Variants in PRSS3 observed in about 807,000 individuals in gnomAD.
PRSS3 encodes the protein trypsin-3.
Under a neutral mutation model 20.8 loss-of-function variants are expected in PRSS3, and 14 were observed. The observed-to-expected ratio is 0.67, with a 90% CI of 0.44 to 1.05. The LOEUF is 1.05. Among genes scored for constraint, PRSS3 ranks in the 50% least tolerant of loss-of-function variants. The pLI, the probability that PRSS3 is intolerant of heterozygous loss-of-function variation, is 0.00. For missense variants in PRSS3, 237 were observed against 306.4 expected, an observed-to-expected ratio of 0.77 and a Z score of 1.69; for synonymous variants, 91 against 117.6, an observed-to-expected ratio of 0.77 and a Z score of 1.46.
intron 1 of PRSS3, among the ~76,000 whole-genome samples, chr9:33,763,660 C>T (rs1228220339): frequency 2.1e-5 from 3 of 143,404 alleles, no homozygotes. Context: ...AATCGCGCCA[C>T]TGCACTCCAG....
At position 33,767,839 on chromosome 9, in the gene PRSS3, C is replaced by A. The variant is rs530572351; in HGVS notation, c.-53+17112C>A. ...AACCTCTGTCTGAAAAAAAAAGGAACTTTAGACACAGACACACACAGAAAG... is the reference window on the plus strand; with the variant it reads ...AACCTCTGTCTGAAAAAAAAAGGAAATTTAGACACAGACACACACAGAAAG... On this transcript the variant is annotated intron_variant, in intron 1 of 5. Coordinates refer to the PRSS3 transcript ENST00000342836. 4.2e-5 allele frequency among the ~76,000 whole-genome samples: 5 copies of A among 119,900 alleles called. No homozygotes were observed. The East Asian group carries it at 1.1e-3, about 27-fold the overall frequency. 78.7% of individuals were successfully genotyped at this position (119,900 alleles called of 152,430 possible).
At chr9:33,788,658 C>T (rs966526888) in intron 1 of PRSS3, among the ~76,000 whole-genome samples, 30 of 152,288 alleles carry the variant, frequency 2.0e-4, no homozygotes, top group Non-Finnish European at 4.4e-5. Context: ...TCATTACAGT[C>T]TAACCAAGTA....
chr9:33,777,505 T>C (rs1006726124), intron 1 of PRSS3, among the ~76,000 whole-genome samples: 4 of 117,622 alleles, frequency 3.4e-5, no homozygotes, highest in Admixed American at 2.1e-4. Flanking sequence ...GCTAACACGG[T>C]GAAACCCCGT....
At position 33,797,825 on chromosome 9, in the gene PRSS3, T is replaced by C. The variant is rs1178302081; in HGVS notation, c.201-4T>C. On this transcript the variant is annotated splice_region_variant and splice_polypyrimidine_tract_variant and intron_variant, in intron 2 of 4. Coordinates refer to ENST00000379405, the MANE Select transcript of PRSS3 (RefSeq NM_002771.4). ...GTCTTCACCATGCCTGCCCTGCCCA[T>C]CAGCCGCATCCAGGTGAGACTGGGA... 4 of 1,614,242 alleles carry C rather than the reference T, an allele frequency of 2.5e-6. No individual in the cohort carries two copies. Among genetic ancestry groups the C allele is most frequent in the Non-Finnish European group, 3.4e-6 (4 of 1,180,044 alleles).
chr9:33,792,838 T>A (rs1824696942), upstream of PRSS3, among the ~76,000 whole-genome samples: 1 of 152,190 alleles, frequency 6.6e-6, no homozygotes, highest in Admixed American at 6.5e-5. Flanking sequence ...TTATCAAAAT[T>A]GAAGGACAGT....
At chr9:33,790,967 T>C (rs188042625), upstream of PRSS3, among the ~76,000 whole-genome samples, 97 of 152,384 alleles carry the variant, frequency 6.4e-4, no homozygotes, top group Non-Finnish European at 2.9e-5. Flanking sequence ...TAGATTATTC[T>C]AACAGGAAAG....
chr9:33,788,399 T>C (rs1324848849), intron 1 of PRSS3, among the ~76,000 whole-genome samples: 2 of 152,218 alleles, frequency 1.3e-5, no homozygotes, highest in African/African-American at 4.8e-5. Flanking sequence ...TCTGCAAAAC[T>C]GAATTTGGTT....
At chr9:33,764,794 T>G (rs192293475) in intron 1 of PRSS3, among the ~76,000 whole-genome samples, 1 of 152,310 alleles carries the variant, frequency 6.6e-6, no homozygotes, top group African/African-American at 2.4e-5. Context: ...TTAAGAAACC[T>G]GTATCTAGAA....
chr9:33,768,474 C>T (rs1347043091), intron 1 of PRSS3, among the ~76,000 whole-genome samples: 1 of 150,162 alleles, frequency 6.7e-6, no homozygotes, highest in East Asian at 2.0e-4. Flanking sequence ...TAGAGCGAGA[C>T]TCAAAGGAAA....
At chr9:33,791,293 T>C (rs1251215692), upstream of PRSS3, among the ~76,000 whole-genome samples, 3 of 152,158 alleles carry the variant, frequency 2.0e-5, no homozygotes, top group East Asian at 1.9e-4. Flanking sequence ...AGGTTCTCAA[T>C]TGGAATTGTG....
At chr9:33,777,707 CAAAAA>C (rs756641458) in intron 1 of PRSS3, among the ~76,000 whole-genome samples, 2 of 56,376 alleles carry the variant, frequency 3.5e-5, no homozygotes, top group Non-Finnish European at 7.2e-5. Context: ...GACTGCGTCT[CAAAAA>C]AAAAAAAAAA....
intron 1 of PRSS3, among the ~76,000 whole-genome samples, chr9:33,769,073 C>T (rs1206846634): frequency 6.6e-6 from 1 of 152,102 alleles, no homozygotes; most frequent in Non-Finnish European, 1.5e-5. Context: ...TCTCATGTTT[C>T]ATGGAAAGCA....
At chr9:33,786,400 G>C in intron 1 of PRSS3, 2 of 663,512 alleles carry the variant, frequency 3.0e-6, no homozygotes, top group Non-Finnish European at 5.4e-6. Flanking sequence ...AGTAATTGTC[G>C]GCACAATAAA....
chr9:33,772,848 G>A (rs967110490), intron 1 of PRSS3, among the ~76,000 whole-genome samples: 7 of 152,184 alleles, frequency 4.6e-5, no homozygotes, highest in South Asian at 2.1e-4. Flanking sequence ...TGGGAGCAAC[G>A]TAATGTTAGA....
chr9:33,773,666 C>T (rs1823798340), intron 1 of PRSS3, among the ~76,000 whole-genome samples: 1 of 152,222 alleles, frequency 6.6e-6, no homozygotes, highest in East Asian at 1.9e-4. Context: ...GGGTCTCACT[C>T]TGTCACCCAG....
intron 1 of PRSS3, among the ~76,000 whole-genome samples, chr9:33,767,932 C>G (rs547532068): frequency 3.9e-5 from 6 of 152,190 alleles, no homozygotes; most frequent in Admixed American, 3.9e-4. Flanking sequence ...TCAGAAGAAA[C>G]CCATTCTGCC....
upstream of PRSS3, chr9:33,794,845 A>G (rs1356119193): frequency 3.2e-6 from 5 of 1,550,840 alleles, no homozygotes; most frequent in Middle Eastern, 1.7e-4. Context: ...GGAGTGCGCC[A>G]TTGGTTTTCC....
At chr9:33,797,313 A>G (rs1244285764) in intron 2 of PRSS3, among the ~76,000 whole-genome samples, 2 of 152,264 alleles carry the variant, frequency 1.3e-5, no homozygotes, top group Non-Finnish European at 2.9e-5. Context: ...CCCATCCCCA[A>G]GGTTCTGATC....
rs549814853 is a variant in PRSS3 at position 33,779,570 on chromosome 9, A to T, written c.-52-15176A>T. 1.7e-4 allele frequency among the ~76,000 whole-genome samples: 26 copies of T among 152,294 alleles called. 1 individual carries two copies. Among genetic ancestry groups the T allele is most frequent in the African/African-American group, 5.8e-4 (24 of 41,556 alleles). On this transcript the variant is annotated intron_variant, in intron 1 of 5. Coordinates refer to the PRSS3 transcript ENST00000342836. The stretch of plus-strand genomic sequence containing the variant: ...GATGAAAATTAAGACAAAAGAATTT[A>T]AAAAATGAACAAAACTGGCTGGGCG...
Sources: gnomAD v4.1 joint callset for allele counts (sites outside exome capture counted in the v4.1 genomes callset) on GRCh38, gnomAD v4.1.1 for gene constraint, MANE v1.5 for transcripts, NCBI Gene and HGNC (gene_info 2026-07-23, HGNC 2026-07-21) for gene names.